LYST: variants seen among roughly 807,000 people sequenced by gnomAD.
The protein encoded by LYST is lysosomal trafficking regulator.
In LYST, 192 loss-of-function variants were observed where a neutral mutation model predicts 413.6. The observed-to-expected ratio is 0.46, with a 90% confidence interval of 0.41 to 0.52. The LOEUF (loss-of-function observed/expected upper bound fraction) is 0.52. Ranked by LOEUF, LYST falls within the 20% of genes least tolerant of loss-of-function variation. LYST has a pLI of 0.00. For synonymous variants in LYST, 1,525 were observed against 1,567.3 expected (o/e 0.97, Z 0.64); for missense variants, 3,815 against 4,499.9 (o/e 0.85, Z 4.35).
At chr1:235,779,979 C>T (rs1206470129) in intron 16 of LYST, among the ~76,000 whole-genome samples, 2 of 152,034 alleles carry the variant, frequency 1.3e-5, no homozygotes, top group African/African-American at 4.8e-5. Context: ...ACGAAAAATC[C>T]TCACCACTAG....
chr1:235,771,543 CCT>C (rs1225834230), intron 19 of LYST, among the ~76,000 whole-genome samples: 2 of 151,978 alleles, frequency 1.3e-5, no homozygotes, highest in African/African-American at 2.4e-5. Context: ...ATATGCTATC[CCT>C]GTAATTATTT....
At chr1:235,721,034 A>T (rs1572068531) in intron 39 of LYST, 129 bp from the exon 40 acceptor site, 3 of 877,002 alleles carry the variant, frequency 3.4e-6, no homozygotes, top group Non-Finnish European at 5.4e-6. Flanking sequence ...TTTTTTTCTC[A>T]GTAACATTAA....
intron 30 of LYST, among the ~76,000 whole-genome samples, chr1:235,743,699 T>C (rs563803939): frequency 2.0e-5 from 3 of 152,188 alleles, no homozygotes; most frequent in African/African-American, 7.2e-5. Flanking sequence ...TCAATGATGA[T>C]GATCTACTCT....
chr1:235,667,369 AC>A (rs528592540), intron 50 of LYST, among the ~76,000 whole-genome samples: 3 of 151,736 alleles, frequency 2.0e-5, no homozygotes, highest in Non-Finnish European at 2.9e-5. Flanking sequence ...CACACATACA[AC>A]CCCCCCAGAA....
At position 235,876,863 on chromosome 1, in the gene LYST, GA is replaced by G. The variant is rs552658445; in HGVS notation, n.454+6323del. ...TTTATGACTAGAATTTAGATGGTAC[GA>G]GTTATACGGGTCCTGGTGGGGCAGC... On this transcript the variant is annotated intron_variant and non_coding_transcript_variant, in intron 1 of 11. Transcript: ENST00000465349. Among the ~76,000 whole-genome samples, 7 of 152,310 alleles carry G rather than the reference GA, an allele frequency of 4.6e-5. No homozygotes were observed. The East Asian group carries it at 1.4e-3, about 29-fold the overall frequency.
intron 3 of LYST, chr1:235,827,370 A>AAAAT (rs1176673652): frequency 4.3e-6 from 4 of 922,600 alleles, no homozygotes; most frequent in African/African-American, 3.6e-5. Context: ...CTCTGTCTCA[A>AAAAT]AAATAAATAA....
chr1:235,853,221 T>C (rs187752762), intron 1 of LYST, among the ~76,000 whole-genome samples: 184 of 152,306 alleles, frequency 1.2e-3, no homozygotes, highest in Admixed American at 1.8e-3. Context: ...GTTGCTCCTC[T>C]TGAAAAGAAG....
At chr1:235,717,323 T>G (rs962509274) in intron 40 of LYST, among the ~76,000 whole-genome samples, 1 of 152,254 alleles carries the variant, frequency 6.6e-6, no homozygotes, top group East Asian at 1.9e-4. Flanking sequence ...TGCTACCTAG[T>G]TAGTAGATGG....
chr1:235,702,657 G>T, intron 45 of LYST, 90 bp downstream of exon 45: 5 of 1,079,940 alleles, frequency 4.6e-6, no homozygotes, highest in Non-Finnish European at 7.1e-6. Flanking sequence ...TTTAGGCCAG[G>T]ACCATGCTAT....
chr1:235,778,121 A>ATTTTTTTT, intron 16 of LYST, among the ~76,000 whole-genome samples: 1 of 145,298 alleles, frequency 6.9e-6, no homozygotes, highest in Admixed American at 6.8e-5. Context: ...ATATATATAT[A>ATTTTTTTT]TTTTTGTAGA....
At chr1:235,812,726 G>A (rs1292402149) in intron 4 of LYST, among the ~76,000 whole-genome samples, 1 of 151,970 alleles carries the variant, frequency 6.6e-6, no homozygotes, top group Non-Finnish European at 1.5e-5. Context: ...TCTGATAAGT[G>A]TTTCTGCTTC....
At chr1:235,823,755 C>T (rs1352750635) in intron 3 of LYST, among the ~76,000 whole-genome samples, 1 of 152,226 alleles carries the variant, frequency 6.6e-6, no homozygotes, top group Admixed American at 6.5e-5. Flanking sequence ...TTTCCTGCCT[C>T]TTTACATCGC....
At chr1:235,803,088 G>C (rs768216263) in intron 7 of LYST, 24 bp from the exon 8 acceptor site, 3 of 1,599,824 alleles carry the variant, frequency 1.9e-6, no homozygotes, top group African/African-American at 1.3e-5. Context: ...TAATTCAAAG[G>C]TTGTAACATT....
chr1:235,765,198 C>A (rs1241513861), intron 21 of LYST, among the ~76,000 whole-genome samples: 1 of 152,126 alleles, frequency 6.6e-6, no homozygotes, highest in Non-Finnish European at 1.5e-5. Context: ...ACCTCAAATA[C>A]AACATATATT....
At chr1:235,787,600 T>C (rs1373393282) in intron 13 of LYST, among the ~76,000 whole-genome samples, 2 of 152,172 alleles carry the variant, frequency 1.3e-5, no homozygotes, top group Non-Finnish European at 2.9e-5. Context: ...CATTGGCTGG[T>C]AGTCATAATT....
intron 1 of LYST, among the ~76,000 whole-genome samples, chr1:235,859,039 A>G (rs1415582515): frequency 6.6e-6 from 1 of 152,190 alleles, no homozygotes; most frequent in Non-Finnish European, 1.5e-5. Flanking sequence ...TTTCCCCTCA[A>G]GCATACTCCA....
intron 22 of LYST, among the ~76,000 whole-genome samples, chr1:235,760,238 G>A (rs1035538734): frequency 1.3e-5 from 2 of 151,986 alleles, no homozygotes; most frequent in Non-Finnish European, 2.9e-5. Flanking sequence ...GTAAAATGAG[G>A]GTTCAGAATA....
chr1:235,820,289 C>T (rs923971879), intron 3 of LYST, among the ~76,000 whole-genome samples: 1 of 152,124 alleles, frequency 6.6e-6, no homozygotes, highest in African/African-American at 2.4e-5. Flanking sequence ...GGCTAGGGTT[C>T]AAGGACTTCT....
Position 235,702,895 on chromosome 1 carries a change from T to G in LYST, c.10226A>C (p.Gln3409Pro). The G allele has an allele frequency of 6.2e-7, 1 of 1,614,214 alleles. No individual in the cohort carries two copies. The highest frequency in any genetic ancestry group is 8.5e-7 in the Non-Finnish European group (1 of 1,180,038). The change falls in exon 45 of 53, where the codon CAG (glutamine) becomes CCG (proline). Residue 3409 changes from glutamine (Q) to proline (P), a missense_variant. Around this residue, in one of 4 missense-constraint regions of LYST, gnomAD observed 866 missense variants for 1,156.0 expected, o/e 0.75. Coordinates refer to ENST00000389793, the MANE Select transcript of LYST (RefSeq NM_000081.4). ...CATGTGGAACAGCTGACGGGGAGTC[T>G]GCCCGTAGGTTTTTATCATGGTTTC... The part of the protein sequence containing the change: ...ALETMIKTYG[Q>P]TPRQLFHMAH...
Sources: gnomAD v4.1 joint callset for allele counts (sites outside exome capture counted in the v4.1 genomes callset) on GRCh38, gnomAD v4.1.1 for gene constraint, gnomAD v4.1.1 regional missense constraint, MANE v1.5 for transcripts, NCBI Gene and HGNC (gene_info 2026-07-23, HGNC 2026-07-21) for gene names.